Variants in ITGAL observed in about 807,000 individuals in gnomAD.
ITGAL encodes integrin alpha-L.
A neutral mutation model predicts 138.4 loss-of-function variants in ITGAL; 68 were observed. The observed-to-expected ratio is 0.49, with a 90% CI of 0.40 to 0.60. The LOEUF (loss-of-function observed/expected upper bound fraction) is 0.60, where lower values mean the gene tolerates loss of function less well. Among genes scored for constraint, ITGAL ranks in the 20% least tolerant of loss-of-function variants. ITGAL has a pLI of 0.00. For synonymous variants in ITGAL, 561 were observed against 584.3 expected (o/e 0.96, Z 0.57); for missense variants, 1,256 against 1,478.6 (o/e 0.85, Z 2.47).
In ITGAL at chr16:30,494,818, G is replaced by C. The variant is rs932758779; in HGVS notation, c.1471G>C (p.Gly491Arg). The change falls in exon 13 of 31, where the codon GGA becomes CGA. Residue 491 changes from glycine to arginine, a missense_variant. Gly to Arg is a moderately radical substitution (Grantham distance 125). This residue lies in a region of ITGAL where 867 missense variants were observed against 972.5 expected (regional missense o/e 0.89). Transcript: ENST00000356798. This position sits in a 1 kb window ranked among gnomAD's most constrained non-coding sequence, Gnocchi z 4.2. ...GAPLFYGEQR[G>R]GRVFIYQRRQ... ...CCCACTGTTCTATGGGGAGCAGAGAGGAGGCCGGGTGTTTATCTACCAGAG... is the reference window on the plus strand; with the variant it reads ...CCCACTGTTCTATGGGGAGCAGAGACGAGGCCGGGTGTTTATCTACCAGAG... The C allele has an allele frequency of 6.2e-7, 1 of 1,608,016 alleles. No homozygotes were observed. The highest frequency in any genetic ancestry group is 1.3e-5 in the African/African-American group (1 of 74,804).
intron 25 of ITGAL, among the ~76,000 whole-genome samples, chr16:30,516,524 T>G (rs1295946496): frequency 2.0e-5 from 3 of 151,854 alleles, no homozygotes; most frequent in Non-Finnish European, 4.4e-5. Context: ...GCCACCACAC[T>G]AGGCACTGTG....
intron 25 of ITGAL, among the ~76,000 whole-genome samples, 156 bp from the exon 26 acceptor site, chr16:30,516,817 C>G (rs758066691): frequency 6.6e-6 from 1 of 152,198 alleles, no homozygotes; most frequent in South Asian, 2.1e-4. Context: ...AGGACGGAAG[C>G]TGGCCATGCC....
At chr16:30,488,009 C>T (rs1358678492) in intron 9 of ITGAL, among the ~76,000 whole-genome samples, 9 of 152,094 alleles carry the variant, frequency 5.9e-5, no homozygotes, top group East Asian at 3.9e-4. Flanking sequence ...TGAGCCACCA[C>T]GCACAGCCAG....
At chr16:30,484,630 C>T (rs1446131253) in intron 9 of ITGAL, among the ~76,000 whole-genome samples, 1 of 146,222 alleles carries the variant, frequency 6.8e-6, no homozygotes, top group Non-Finnish European at 1.5e-5. Context: ...AAACAAAAAA[C>T]AAAAATGGCC....
intron 24 of ITGAL, among the ~76,000 whole-genome samples, chr16:30,511,458 A>C (rs2051090538): frequency 6.6e-6 from 1 of 152,200 alleles, no homozygotes; most frequent in Non-Finnish European, 1.5e-5. Context: ...TCTGTGAGGC[A>C]GCTGTGCCGC....
Position 30,505,451 on chromosome 16 carries a change from C to T in ITGAL, c.2355C>T (p.Phe785=). 1 of 1,613,678 alleles carries T rather than the reference C, an allele frequency of 6.2e-7. No individual in the cohort carries two copies. ...GTGAGGCAAACTTGAGAGTGTCCTT[C>T]TCTCCTGCAAGGTCAGTAAGGCCTC... ...KKCEANLRVS[F]SPARSRALRL... Residue 785 remains phenylalanine, a synonymous_variant, in exon 20 of 31, where the codon TTC becomes TTT. Transcript: ENST00000356798.
At chr16:30,506,262 T>TAAA (rs59616156) in intron 20 of ITGAL, among the ~76,000 whole-genome samples, 17,051 of 111,154 alleles carry the variant, frequency 0.15, 1,900 homozygotes, top group South Asian at 0.62. Context: ...TCTGTCTCAA[T>TAAA]AAAAAAAAAA....
chr16:30,499,733 A>ATATATATATATATATTT, intron 17 of ITGAL, among the ~76,000 whole-genome samples: 1 of 88,386 alleles, frequency 1.1e-5, no homozygotes, highest in African/African-American at 6.0e-5. Context: ...ATATATATAT[A>ATATATATATATATATTT]TTTTTTTTTT....
rs544976003 is a variant in ITGAL at position 30,478,464 on chromosome 16, C to T, written c.328-627C>T. Among the ~76,000 whole-genome samples the T allele has an allele frequency of 9.9e-5, 15 of 151,520 alleles. No homozygotes were observed. In the East Asian group the frequency reaches 2.7e-3, roughly 27 times the overall value. Reference sequence around the variant, plus strand: ...CTGTAATCCCAGCACTTTGGGAGGCCGAGGCAGGCAGATCACGAGGTTGGG... The same window carrying T: ...CTGTAATCCCAGCACTTTGGGAGGCTGAGGCAGGCAGATCACGAGGTTGGG... On this transcript the variant is annotated intron_variant, in intron 4 of 30. Transcript: ENST00000356798.
At chr16:30,515,068 G>T (rs1303795609) in intron 25 of ITGAL, among the ~76,000 whole-genome samples, 2 of 151,560 alleles carry the variant, frequency 1.3e-5, no homozygotes, top group Non-Finnish European at 2.9e-5. Flanking sequence ...CAGGTGATCC[G>T]CCCACCTCGG....
At chr16:30,518,536 C>A in intron 28 of ITGAL, 88 bp from the exon 29 acceptor site, 1 of 843,602 alleles carries the variant, frequency 1.2e-6, no homozygotes, top group South Asian at 1.3e-5. Flanking sequence ...CCTTCTCTGC[C>A]CCTCCCCACT....
chr16:30,499,725 A>ACG (rs1399340893), intron 17 of ITGAL, among the ~76,000 whole-genome samples: 5 of 60,830 alleles, frequency 8.2e-5, no homozygotes, highest in African/African-American at 4.0e-4. Context: ...ATATATATAT[A>ACG]TATATATATT....
At chr16:30,518,030 C>T (rs1175526220) in intron 28 of ITGAL, 135 bp downstream of exon 28, 6 of 699,924 alleles carry the variant, frequency 8.6e-6, no homozygotes, top group South Asian at 1.5e-5. Flanking sequence ...TTTACACAGT[C>T]ACAGGTGAAA....
chr16:30,510,752 C>T (rs2151171076), intron 22 of ITGAL, 129 bp from the exon 23 acceptor site: 1 of 779,912 alleles, frequency 1.3e-6, no homozygotes, highest in East Asian at 2.5e-5. Context: ...GGGTAGAATC[C>T]TAGCTCAGTG....
intron 4 of ITGAL, among the ~76,000 whole-genome samples, chr16:30,478,629 C>T (rs1297176357): frequency 3.6e-5 from 5 of 139,280 alleles, no homozygotes; most frequent in African/African-American, 5.5e-5. Flanking sequence ...ACCCGGGAGG[C>T]GAAGCTTGCA....
intron 2 of ITGAL, 85 bp downstream of exon 2, chr16:30,474,383 G>T: frequency 1.1e-6 from 1 of 921,610 alleles, no homozygotes; most frequent in Non-Finnish European, 1.7e-6. Context: ...ACCCTCGCCT[G>T]GGCTAGTCGG....
chr16:30,503,997 C>A (rs772671130), intron 17 of ITGAL, 178 bp from the exon 18 acceptor site: 1 of 544,874 alleles, frequency 1.8e-6, no homozygotes, highest in Non-Finnish European at 3.3e-6. Context: ...GCTGAGAAGC[C>A]CCCTGGGTGT....
At chr16:30,490,226 TTAAAAAAAAA>T (rs1458740120) in intron 11 of ITGAL, among the ~76,000 whole-genome samples, 5 of 115,186 alleles carry the variant, frequency 4.3e-5, no homozygotes, top group Non-Finnish European at 8.7e-5. Flanking sequence ...AGACTCCGTC[TTAAAAAAAAA>T]AAAAAAAAAA....
Position 30,494,582 on chromosome 16 carries a change from G to A in ITGAL, c.1366-131G>A. 1.6e-6 allele frequency: 2 copies of A among 1,230,656 alleles called. No homozygotes were observed. Among genetic ancestry groups the A allele is most frequent in the South Asian group, 1.6e-5 (1 of 61,512 alleles). The allele number at this position is 1,230,656 out of a possible 1,614,324, so 76.2% of individuals were successfully genotyped here. ...AGCCCACCTTGTCTTAACGCACATA[G>A]ACTAGGGGTGGATCCAAGATTGGAA... On this transcript the variant is annotated intron_variant, in intron 12 of 30. Transcript: ENST00000356798. This position sits in a 1 kb window ranked among gnomAD's most constrained non-coding sequence, Gnocchi z 4.2.
Sources: allele counts gnomAD v4.1 joint callset (sites outside exome capture counted in the v4.1 genomes callset), GRCh38; gene constraint gnomAD v4.1.1; regional missense constraint gnomAD v4.1.1; non-coding constraint Gnocchi (gnomAD v3.1); transcripts MANE v1.5; gene names NCBI Gene and HGNC (gene_info 2026-07-23, HGNC 2026-07-21).